Variants in FAT2 observed in about 807,000 individuals in gnomAD.
The protein encoded by FAT2 is FAT atypical cadherin 2.
Under a neutral mutation model 295.3 loss-of-function variants are expected in FAT2, and 150 were observed. The ratio of observed to expected loss-of-function variants is 0.51; its 90% CI spans 0.44 to 0.58. The LOEUF (loss-of-function observed/expected upper bound fraction) is 0.58. Ranked by LOEUF, FAT2 falls within the 20% of genes least tolerant of loss-of-function variation. The probability of loss-of-function intolerance (pLI) is 0.00; values close to 1 mark genes in which losing one functional copy is unlikely to be tolerated. For synonymous variants in FAT2, 2,026 were observed against 2,150.3 expected, an observed-to-expected ratio of 0.94 and a Z score of 1.60; for missense variants, 4,868 against 5,442.7, an observed-to-expected ratio of 0.89 and a Z score of 3.32.
chr5:151,586,928 G>A (rs1023353654), intron 1 of FAT2, among the ~76,000 whole-genome samples: 1 of 152,096 alleles, frequency 6.6e-6, no homozygotes, highest in South Asian at 2.1e-4. Flanking sequence ...ATCACTTGAG[G>A]TCAGGAGTTC....
intron 19 of FAT2, among the ~76,000 whole-genome samples, chr5:151,520,460 G>C (rs1753329523): frequency 6.6e-6 from 1 of 152,164 alleles, no homozygotes; most frequent in Non-Finnish European, 1.5e-5. Flanking sequence ...ACCCTGCTTG[G>C]TAGGGCTGTG....
At chr5:151,591,612 A>G (rs951685843), upstream of FAT2, among the ~76,000 whole-genome samples, 1 of 149,158 alleles carries the variant, frequency 6.7e-6, no homozygotes, top group African/African-American at 2.5e-5. Context: ...AGGGAACTAG[A>G]AAAGGTCACT....
rs1188325440 is a variant in FAT2, at chr5:151,556,415, T to C, written c.3575-13A>G. 6.2e-7 allele frequency: 1 copy of C among 1,609,350 alleles called. No individual in the cohort carries two copies. Among genetic ancestry groups the C allele is most frequent in the Non-Finnish European group, 8.5e-7 (1 of 1,176,688 alleles). ...GTAGATAGGAGACCTGAGAGAGAGA[T>C]GATAAGGGAGAGACATGAGCAGAAG... On this transcript the variant is annotated splice_polypyrimidine_tract_variant and intron_variant, in intron 3 of 23. Transcript: ENST00000261800.
intron 1 of FAT2, among the ~76,000 whole-genome samples, 108 bp downstream of exon 1, chr5:151,591,057 T>A (rs1327764810): frequency 6.6e-6 from 1 of 152,218 alleles, no homozygotes; most frequent in Non-Finnish European, 1.5e-5. Flanking sequence ...TGCTTCCTTC[T>A]CTACCTTCCA....
intron 3 of FAT2, among the ~76,000 whole-genome samples, chr5:151,557,587 G>A (rs1757809443): frequency 6.6e-6 from 1 of 152,192 alleles, no homozygotes; most frequent in African/African-American, 2.4e-5. Flanking sequence ...AGAAAATGAG[G>A]CCAAGAGATA....
chr5:151,534,205 G>C (rs1754983919), intron 13 of FAT2, among the ~76,000 whole-genome samples: 1 of 152,202 alleles, frequency 6.6e-6, no homozygotes, highest in Non-Finnish European at 1.5e-5. Flanking sequence ...CCTTTTTCCT[G>C]CTTCAAAACA....
chr5:151,563,663 C>A (rs2127642615), intron 2 of FAT2, 24 bp from the exon 3 acceptor site: 1 of 1,602,238 alleles, frequency 6.2e-7, no homozygotes, highest in South Asian at 1.1e-5. Flanking sequence ...GTCAGCAAAC[C>A]CAAAATACTT....
chr5:151,554,792 T>A (rs1561865150), intron 4 of FAT2, 119 bp from the exon 5 acceptor site: 1 of 789,558 alleles, frequency 1.3e-6, no homozygotes, highest in Non-Finnish European at 2.0e-6. Context: ...CTTTTTATTA[T>A]CATAACTTCA....
At position 151,542,977 on chromosome 5, in the gene FAT2, G is replaced by A. The variant is rs1756299205; in HGVS notation, c.8150C>T (p.Ala2717Val). 4 of 1,614,068 alleles carry A rather than the reference G, an allele frequency of 2.5e-6. No homozygotes were observed. Among genetic ancestry groups the A allele is most frequent in the South Asian group, 1.1e-5 (1 of 91,086 alleles). Residue 2717 changes from alanine (A) to valine (V), a missense_variant, in exon 10 of 24, where the codon GCA (alanine) becomes GTA (valine). Physicochemically the swap from Ala to Val is moderately conservative, Grantham distance 64. Around this residue, in one of 5 missense-constraint regions of FAT2, gnomAD observed 3,297 missense variants for 3,669.4 expected, o/e 0.90. Transcript: ENST00000261800. Reference protein sequence around the residue: ...GSEIGIVKAVAAQDPVIYSLV... With the variant: ...GSEIGIVKAVVAQDPVIYSLV... ...ACTGTAGATGACTGGATCTTGAGCT[G>A]CCACTGCTTTAACAATCCCAATTTC...
Position 151,566,050 on chromosome 5 carries a change from C to T in FAT2, c.2882G>A (p.Arg961Gln), listed in dbSNP as rs775693755. The T allele has an allele frequency of 6.8e-6, 11 of 1,614,018 alleles. No individual in the cohort carries two copies. The highest frequency in any genetic ancestry group is 4.5e-5 in the East Asian group (2 of 44,878). Residue 961 changes from arginine (R) to glutamine (Q), a missense_variant, in exon 2 of 24, where the codon CGA (arginine) becomes CAA (glutamine). This residue lies in a region of FAT2 where 3,297 missense variants were observed against 3,669.4 expected (regional missense o/e 0.90). Coordinates refer to ENST00000261800, the MANE Select transcript of FAT2 (RefSeq NM_001447.3). ...ATGGGCGCCATCCATCAGAACATAT[C>T]GCACTTCACCTGCGGGGCCCAGGTC... is the stretch of plus-strand genomic sequence containing the variant. ...DPDLGPAGEV[R>Q]YVLMDGAHGT...
intron 1 of FAT2, among the ~76,000 whole-genome samples, chr5:151,586,865 G>A (rs1218145241): frequency 6.6e-6 from 1 of 152,214 alleles, no homozygotes; most frequent in African/African-American, 2.4e-5. Context: ...CTCAGGCTGG[G>A]CGCAGTGGCC....
At chr5:151,569,752 A>C (rs548918713) in intron 1 of FAT2, among the ~76,000 whole-genome samples, 1 of 152,236 alleles carries the variant, frequency 6.6e-6, no homozygotes, top group Non-Finnish European at 1.5e-5. Flanking sequence ...AAGTTTAGCT[A>C]TCTGGTTCTA....
At position 151,531,652 on chromosome 5, in the gene FAT2, T is replaced by C. The variant is rs1754620732; in HGVS notation, c.9746A>G (p.Glu3249Gly). ...GCTGACCACGCGGTAGCCGGTCTTC[T>C]CTGCGCCCGGGCGAGTGAGGGTGGC... ...QLATLTRPGA[E>G]KTGYRVVSGN... Residue 3249 changes from glutamate (E) to glycine (G), a missense_variant, in exon 14 of 24, where the codon GAG becomes GGG. Around this residue, in one of 5 missense-constraint regions of FAT2, gnomAD observed 1,046 missense variants for 1,210.1 expected, o/e 0.86. Coordinates refer to ENST00000261800, the MANE Select transcript of FAT2 (RefSeq NM_001447.3). The surrounding 1 kb of genome is among the most constrained non-coding windows in gnomAD (Gnocchi z 5.7). 4 of 1,613,594 alleles carry C rather than the reference T, an allele frequency of 2.5e-6. No individual in the cohort carries two copies. The South Asian group carries it at 4.4e-5, about 18-fold the overall frequency.
rs1407277434 is a variant in FAT2, at chr5:151,544,071, C to T, written c.7056G>A (p.Met2352Ile). 2 of 1,614,190 alleles carry T rather than the reference C, an allele frequency of 1.2e-6. No individual in the cohort carries two copies. Among genetic ancestry groups the T allele is most frequent in the Non-Finnish European group, 1.7e-6 (2 of 1,180,026 alleles). The change falls in exon 10 of 24, where the codon ATG becomes ATA. Residue 2352 changes from methionine to isoleucine, a missense_variant. Transcript: ENST00000261800. ...QQHFHVKVRAMDKGDPPLTGE... is the reference protein window; with the variant it reads ...QQHFHVKVRAIDKGDPPLTGE... ...CAGTGAGTGGGGGATCTCCTTTATC[C>T]ATGGCCCTGACTTTCACATGAAAGT...
chr5:151,593,704 GTAATAA>G (rs987060386), upstream of FAT2, among the ~76,000 whole-genome samples: 1 of 151,894 alleles, frequency 6.6e-6, no homozygotes, highest in Non-Finnish European at 1.5e-5. Context: ...TGACCAAGAA[GTAATAA>G]TAATAATAAT....
intron 20 of FAT2, among the ~76,000 whole-genome samples, chr5:151,515,963 C>T (rs1385696774): frequency 1.3e-5 from 2 of 152,216 alleles, no homozygotes; most frequent in Non-Finnish European, 1.5e-5. Flanking sequence ...TATGCCCCAT[C>T]CCATTACGTC....
intron 1 of FAT2, among the ~76,000 whole-genome samples, chr5:151,579,959 T>G (rs1758881665): frequency 6.6e-6 from 1 of 152,176 alleles, no homozygotes; most frequent in African/African-American, 2.4e-5. Context: ...AGAGCCCCAT[T>G]CCCTATGCAT....
rs928538690 is a variant in FAT2 at position 151,509,773 on chromosome 5, C to T, written c.12059+248G>A. The T allele has an allele frequency of 3.8e-5, 17 of 446,610 alleles. 1 individual carries two copies. In the South Asian group the frequency reaches 7.0e-4, roughly 18 times the overall value. 27.7% of individuals were successfully genotyped at this position (446,610 alleles called of 1,614,324 possible). A position where few individuals can be genotyped will look rare whatever the true frequency, so the allele number is the denominator to read the frequency against. On this transcript the variant is annotated intron_variant, in intron 22 of 23. Transcript: ENST00000261800. ...TAGAAATAAAGTGTGCAATAAATGT[C>T]ATGTGCTTGAATCATCCTGAAACCA...
At chr5:151,533,393 A>ACAC (rs1754871088) in intron 13 of FAT2, among the ~76,000 whole-genome samples, 4 of 132,182 alleles carry the variant, frequency 3.0e-5, no homozygotes, top group South Asian at 2.7e-4. Context: ...TGTTATCTCC[A>ACAC]ACACACACAC....
Sources: allele counts gnomAD v4.1 joint callset (sites outside exome capture counted in the v4.1 genomes callset), GRCh38; gene constraint gnomAD v4.1.1; regional missense constraint gnomAD v4.1.1; non-coding constraint Gnocchi (gnomAD v3.1); transcripts MANE v1.5; gene names NCBI Gene and HGNC (gene_info 2026-07-23, HGNC 2026-07-21).